Variants in PTPRD observed in about 807,000 individuals in gnomAD.
PTPRD encodes the protein receptor-type tyrosine-protein phosphatase delta.
In PTPRD, 34 loss-of-function variants were observed where a neutral mutation model predicts 214.5. The observed-to-expected ratio is 0.16, with a 90% CI of 0.12 to 0.21. The LOEUF is 0.21. Among genes scored for constraint, PTPRD ranks in the 10% least tolerant of loss-of-function variants. PTPRD has a pLI of 1.00. For missense variants in PTPRD, 2,545 were observed against 2,398.7 expected (o/e 1.06, Z -1.27); for synonymous variants, 1,128 against 845.7 (o/e 1.33, Z -5.79).
chr9:9,956,721 G>C (rs1297466662), intron 4 of PTPRD, among the ~76,000 whole-genome samples: 1 of 152,086 alleles, frequency 6.6e-6, no homozygotes, highest in East Asian at 1.9e-4. Flanking sequence ...ATAGGAGCTA[G>C]TTACCTAGTA....
intron 2 of PTPRD, among the ~76,000 whole-genome samples, chr9:10,422,256 T>C (rs1280225868): frequency 6.6e-6 from 1 of 152,048 alleles, no homozygotes; most frequent in Non-Finnish European, 1.5e-5. Context: ...TGGCTAGCCA[T>C]ATGTAGAAGG....
At chr9:9,766,016 A>C (rs959547838) in intron 6 of PTPRD, among the ~76,000 whole-genome samples, 1 of 152,190 alleles carries the variant, frequency 6.6e-6, no homozygotes, top group African/African-American at 2.4e-5. Context: ...ATTTCTCTTT[A>C]GAGAAGCCGT....
intron 3 of PTPRD, among the ~76,000 whole-genome samples, chr9:10,103,488 A>C (rs1485636448): frequency 6.7e-6 from 1 of 150,366 alleles, no homozygotes; most frequent in Non-Finnish European, 1.5e-5. Flanking sequence ...ACAAAAGCTC[A>C]CCCCAAATAT....
At chr9:10,451,585 T>C (rs895131283) in intron 2 of PTPRD, among the ~76,000 whole-genome samples, 2 of 151,572 alleles carry the variant, frequency 1.3e-5, no homozygotes, top group East Asian at 1.9e-4. Flanking sequence ...CCTCGTAGTG[T>C]TGTTTCAAGG....
rs142929721 is a variant in PTPRD, at chr9:10,070,143, G to C, written c.-544-36353C>G. On this transcript the variant is annotated intron_variant, in intron 3 of 45. Transcript: ENST00000381196. ...CAACATAGGACTAATATATGGGCCA[G>C]TTGGGCACAGAGAGGAAATTGGTTT... is the stretch of plus-strand genomic sequence containing the variant. Among the ~76,000 whole-genome samples the C allele has an allele frequency of 9.2e-5, 14 of 152,204 alleles. No individual in the cohort carries two copies. The East Asian group carries it at 2.3e-3, about 25-fold the overall frequency.
At chr9:9,755,441 T>G (rs758661978) in intron 6 of PTPRD, among the ~76,000 whole-genome samples, 51 of 152,080 alleles carry the variant, frequency 3.4e-4, no homozygotes, top group Non-Finnish European at 6.8e-4. Flanking sequence ...TTTGGAAGAA[T>G]AAGGCAGAGC....
At chr9:8,663,036 T>C (rs890514243) in intron 12 of PTPRD, among the ~76,000 whole-genome samples, 1 of 152,124 alleles carries the variant, frequency 6.6e-6, no homozygotes, top group African/African-American at 2.4e-5. Context: ...TCAGAATAAT[T>C]AGTCTGTTAG....
chr9:10,063,607 T>A (rs2097820297), intron 3 of PTPRD, among the ~76,000 whole-genome samples: 1 of 151,990 alleles, frequency 6.6e-6, no homozygotes, highest in South Asian at 2.1e-4. Flanking sequence ...AATAAAAGAA[T>A]CATCAGTTCT....
chr9:8,858,796 AAC>A (rs71317379), intron 11 of PTPRD, among the ~76,000 whole-genome samples: 20,025 of 141,666 alleles, frequency 0.14, 1,345 homozygotes, highest in Non-Finnish European at 0.16. Context: ...TGAAGGAGGC[AAC>A]ACACACACAC....
At chr9:10,370,418 T>C (rs1393063645) in intron 2 of PTPRD, among the ~76,000 whole-genome samples, 1 of 152,072 alleles carries the variant, frequency 6.6e-6, no homozygotes, top group African/African-American at 2.4e-5. Context: ...GGCTATTCTA[T>C]TTTTAGTGTA....
intron 11 of PTPRD, among the ~76,000 whole-genome samples, chr9:8,832,254 G>A (rs1013681401): frequency 2.6e-5 from 4 of 151,856 alleles, no homozygotes; most frequent in Non-Finnish European, 5.9e-5. Context: ...AAAGCTCCTG[G>A]TCTCAACCTT....
intron 5 of PTPRD, among the ~76,000 whole-genome samples, chr9:9,772,220 G>A (rs1053303391): frequency 7.2e-5 from 11 of 152,172 alleles, no homozygotes; most frequent in Middle Eastern, 6.8e-3. Flanking sequence ...TGAAGACACA[G>A]AGAAGACGGC....
intron 7 of PTPRD, among the ~76,000 whole-genome samples, chr9:9,634,814 A>T (rs1170253212): frequency 6.6e-6 from 1 of 152,124 alleles, no homozygotes; most frequent in East Asian, 1.9e-4. Flanking sequence ...GTTAATGGGA[A>T]CTCTAAGTAC....
chr9:9,147,582 T>C (rs908769589), intron 10 of PTPRD, among the ~76,000 whole-genome samples: 1 of 152,168 alleles, frequency 6.6e-6, no homozygotes, highest in African/African-American at 2.4e-5. Flanking sequence ...AATTTTAATG[T>C]CCATGAATAA....
intron 10 of PTPRD, among the ~76,000 whole-genome samples, chr9:9,099,412 C>T (rs955132778): frequency 6.6e-6 from 1 of 152,014 alleles, no homozygotes; most frequent in African/African-American, 2.4e-5. Flanking sequence ...TCATGTTTGT[C>T]TTGAATAAGT....
At chr9:10,567,130 C>T (rs1266215053) in intron 2 of PTPRD, among the ~76,000 whole-genome samples, 5 of 152,036 alleles carry the variant, frequency 3.3e-5, no homozygotes, top group African/African-American at 1.2e-4. Context: ...TACATATTGT[C>T]TCTCTCAGTG....
At chr9:9,605,742 T>G (rs2154340888) in intron 7 of PTPRD, among the ~76,000 whole-genome samples, 1 of 152,210 alleles carries the variant, frequency 6.6e-6, no homozygotes, top group South Asian at 2.1e-4. Flanking sequence ...GAAACTCCTT[T>G]AAAATTTTCA....
chr9:10,203,970 A>G (rs1594101594), intron 3 of PTPRD, among the ~76,000 whole-genome samples: 1 of 152,188 alleles, frequency 6.6e-6, no homozygotes, highest in Non-Finnish European at 1.5e-5. Flanking sequence ...TTAGGATTTG[A>G]TGGCAGAATC....
intron 3 of PTPRD, among the ~76,000 whole-genome samples, chr9:10,140,202 C>G (rs2098973826): frequency 6.7e-6 from 1 of 149,284 alleles, no homozygotes; most frequent in African/African-American, 2.6e-5. Context: ...ACCCCAATAT[C>G]CAGAATCTAT....
Sources: gnomAD v4.1 joint callset for allele counts (sites outside exome capture counted in the v4.1 genomes callset) on GRCh38, gnomAD v4.1.1 for gene constraint, MANE v1.5 for transcripts, NCBI Gene and HGNC (gene_info 2026-07-23, HGNC 2026-07-21) for gene names.